The following CUBN variants were observed in gnomAD, a reference collection of about 807,000 sequenced individuals.
CUBN encodes cubilin.
Under a neutral mutation model 405.3 loss-of-function variants are expected in CUBN, and 282 were observed. The observed-to-expected ratio is 0.70, with a 90% CI of 0.63 to 0.77. CUBN has a LOEUF of 0.77. Ranked by LOEUF, CUBN falls within the 30% of genes least tolerant of loss-of-function variation. The pLI is 0.00. For missense variants in CUBN, 4,514 were observed against 4,475.2 expected, an observed-to-expected ratio of 1.01 and a Z score of -0.25; for synonymous variants, 1,684 against 1,617.0, an observed-to-expected ratio of 1.04 and a Z score of -0.99.
chr10:16,869,038 C>T (rs12269594), intron 59 of CUBN, among the ~76,000 whole-genome samples: 29 of 152,098 alleles, frequency 1.9e-4, no homozygotes, highest in Non-Finnish European at 4.3e-4. Context: ...TCTGCCCTTC[C>T]CTTTATCTCT....
chr10:16,961,751 G>T (rs1459323142), intron 31 of CUBN, among the ~76,000 whole-genome samples: 4 of 118,084 alleles, frequency 3.4e-5, no homozygotes, highest in Non-Finnish European at 4.8e-5. Context: ...TCGCTCTGTG[G>T]CCCAGGCTGG....
intron 29 of CUBN, among the ~76,000 whole-genome samples, chr10:16,986,842 C>G (rs932708791): frequency 1.3e-5 from 2 of 152,180 alleles, no homozygotes; most frequent in African/African-American, 4.8e-5. Context: ...TTTGGAAAGA[C>G]CACTGAACGC....
chr10:16,828,913 G>A lies in CUBN; in HGVS notation c.10656C>T (p.Asn3552=), dbSNP rs1801232. The A allele has an allele frequency of 9.3e-4, 1,508 of 1,614,106 alleles. 15 individuals are homozygous for A. In the African/African-American group the frequency reaches 0.018, roughly 19 times the overall value. Reference sequence around the variant, plus strand: ...GATCGTCAATGCTGATGAAGTAGAAGTTGATGGTGACAAGCCTTCCAGCAG... The same window carrying A: ...GATCGTCAATGCTGATGAAGTAGAAATTGATGGTGACAAGCCTTCCAGCAG... The part of the protein sequence containing the change: ...VAPAGRLVTI[N]FYFISIDDPG... Residue 3552 remains asparagine, a synonymous_variant, in exon 66 of 67, where the codon AAC becomes AAT. Coordinates refer to ENST00000377833, the MANE Select transcript of CUBN (RefSeq NM_001081.4).
intron 28 of CUBN, among the ~76,000 whole-genome samples, chr10:17,016,117 G>A (rs950696474): frequency 4.0e-5 from 6 of 151,758 alleles, no homozygotes; most frequent in South Asian, 2.1e-4. Context: ...ATTGACCCTC[G>A]AGTGAGTCAG....
chr10:17,082,432 G>A (rs1339861955), intron 17 of CUBN, among the ~76,000 whole-genome samples: 3 of 152,144 alleles, frequency 2.0e-5, no homozygotes, highest in Admixed American at 2.0e-4. Context: ...AGAATTCAGA[G>A]GAGTTCATGG....
At chr10:17,048,390 C>T (rs985957762) in intron 22 of CUBN, among the ~76,000 whole-genome samples, 41 of 152,184 alleles carry the variant, frequency 2.7e-4, no homozygotes, top group African/African-American at 9.2e-4. Flanking sequence ...CCTATTCAGT[C>T]GATTCTGTGT....
At chr10:17,125,741 T>C (rs151032874) in intron 4 of CUBN, among the ~76,000 whole-genome samples, 2 of 152,282 alleles carry the variant, frequency 1.3e-5, no homozygotes, top group Non-Finnish European at 2.9e-5. Context: ...ACATTCCTCC[T>C]GAGGGATGAG....
At chr10:16,872,825 C>T (rs760161847) in intron 58 of CUBN, among the ~76,000 whole-genome samples, 10 of 152,250 alleles carry the variant, frequency 6.6e-5, no homozygotes, top group South Asian at 2.1e-4. Context: ...CACAGAACTC[C>T]TGCTCCTGGC....
In CUBN at chr10:17,105,575, C is replaced by A. The variant is rs774685820; in HGVS notation, c.1112G>T (p.Gly371Val). 1 of 1,556,612 alleles carries A rather than the reference C, an allele frequency of 6.4e-7. No individual in the cohort carries two copies. The highest frequency in any genetic ancestry group is 8.9e-7 in the Non-Finnish European group (1 of 1,126,912). The change falls in exon 11 of 67, where the codon GGT (glycine) becomes GTT (valine). Residue 371 changes from glycine (G) to valine (V), a missense_variant and splice_region_variant. Physicochemically the swap from Gly to Val is moderately radical, Grantham distance 109. This residue lies in a region of CUBN where 1,448 missense variants were observed against 1,388.0 expected (regional missense o/e 1.04). Transcript: ENST00000377833. ...GAGACACGTGCAGAGAGGTAAGGAA[C>A]CTGTTCAGAAATAAAAACAAACGTG... ...HPDASCSSTL[G>V]SLPLCTCLPG...
intron 27 of CUBN, among the ~76,000 whole-genome samples, chr10:17,029,296 G>A (rs961647472): frequency 1.3e-5 from 2 of 152,160 alleles, no homozygotes; most frequent in Admixed American, 6.5e-5. Context: ...GAAAAGATCA[G>A]CATTTCTTTT....
At chr10:16,841,136 A>T in intron 60 of CUBN, 89 bp from the exon 61 acceptor site, 6 of 1,077,478 alleles carry the variant, frequency 5.6e-6, no homozygotes, top group Non-Finnish European at 8.4e-6. Context: ...GCAATAGGTC[A>T]CGGTAAACAT....
chr10:16,971,806 T>A (rs59711983), intron 31 of CUBN, among the ~76,000 whole-genome samples: 5 of 151,714 alleles, frequency 3.3e-5, no homozygotes, highest in Non-Finnish European at 7.4e-5. Flanking sequence ...TATTTCTCCA[T>A]TTTTTTTAAA....
chr10:16,961,866 T>A (rs375039835), intron 31 of CUBN, among the ~76,000 whole-genome samples: 31 of 151,618 alleles, frequency 2.0e-4, no homozygotes, highest in African/African-American at 7.5e-4. Flanking sequence ...CGCCCGCCAC[T>A]ACGCCTGGCT....
intron 53 of CUBN, among the ~76,000 whole-genome samples, chr10:16,900,351 T>C (rs1841320774): frequency 6.6e-6 from 1 of 152,220 alleles, no homozygotes; most frequent in Non-Finnish European, 1.5e-5. Flanking sequence ...TCAAAGTTTC[T>C]GGACTGAATT....
Position 16,950,089 on chromosome 10 carries a change from A to G in CUBN, c.4992T>C (p.Phe1664=). Residue 1664 remains phenylalanine, a synonymous_variant, in exon 34 of 67, where the codon TTT becomes TTC. Coordinates refer to ENST00000377833, the MANE Select transcript of CUBN (RefSeq NM_001081.4). ...QPPLNHITLS[F]THFELERSTT... ...TGCTTCTTTCAAGTTCAAAGTGGGT[A>G]AAAGAGAGGGTGATATGATTTACTG... is the stretch of plus-strand genomic sequence containing the variant. 6.2e-7 allele frequency: 1 copy of G among 1,613,704 alleles called. No individual in the cohort carries two copies. The highest frequency in any genetic ancestry group is 8.5e-7 in the Non-Finnish European group (1 of 1,179,712).
At chr10:16,937,546 T>C (rs776708320) in intron 39 of CUBN, 46 bp downstream of exon 39, 2 of 1,530,382 alleles carry the variant, frequency 1.3e-6, no homozygotes, top group Admixed American at 1.7e-5. Flanking sequence ...AACATTGGCC[T>C]GCACATATCA....
chr10:17,042,545 A>G (rs1564491596), intron 26 of CUBN, among the ~76,000 whole-genome samples: 1 of 152,176 alleles, frequency 6.6e-6, no homozygotes, highest in Non-Finnish European at 1.5e-5. Flanking sequence ...GAAAAGAAAA[A>G]AAAGAAACCC....
intron 14 of CUBN, 123 bp from the exon 15 acceptor site, chr10:17,088,468 C>G (rs1002573338): frequency 2.8e-6 from 2 of 712,368 alleles, no homozygotes; most frequent in African/African-American, 3.6e-5. Context: ...TTTTAGACAC[C>G]CTCATAAATT....
chr10:16,953,615 G>A (rs1156563863), intron 32 of CUBN, among the ~76,000 whole-genome samples: 4 of 152,136 alleles, frequency 2.6e-5, no homozygotes, highest in Admixed American at 2.0e-4. Flanking sequence ...AGGTATGGTG[G>A]GAGGCTAAGA....
Sources: gnomAD v4.1 joint callset for allele counts (sites outside exome capture counted in the v4.1 genomes callset) on GRCh38, gnomAD v4.1.1 for gene constraint, gnomAD v4.1.1 regional missense constraint, MANE v1.5 for transcripts, NCBI Gene and HGNC (gene_info 2026-07-23, HGNC 2026-07-21) for gene names.